Variants in DPYD observed in about 807,000 individuals in gnomAD.
DPYD encodes dihydropyrimidine dehydrogenase [NADP(+)].
DPYD carries 109 observed loss-of-function variants against 116.2 expected under a neutral mutation model. The observed-to-expected ratio is 0.94, with a 90% CI of 0.80 to 1.10. DPYD has a LOEUF of 1.10. Among genes scored for constraint, DPYD ranks in the 50% least tolerant of loss-of-function variants. The probability of loss-of-function intolerance (pLI) is 0.00; values close to 1 mark genes in which losing one functional copy is unlikely to be tolerated. For synonymous variants in DPYD, 440 were observed against 432.0 expected (o/e 1.02, Z -0.23); for missense variants, 1,302 against 1,254.5 (o/e 1.04, Z -0.57).
intron 2 of DPYD, among the ~76,000 whole-genome samples, chr1:97,870,288 CA>C (rs1422925874): frequency 1.3e-5 from 2 of 151,750 alleles, no homozygotes; most frequent in Non-Finnish European, 2.9e-5. Context: ...GGGTATAACA[CA>C]TTTTTTTTGT....
At chr1:97,470,939 G>A (rs866748312) in intron 13 of DPYD, among the ~76,000 whole-genome samples, 13 of 152,002 alleles carry the variant, frequency 8.6e-5, no homozygotes, top group African/African-American at 2.9e-4. Flanking sequence ...GTAGTGAGCT[G>A]AGATCGCATC....
At chr1:97,106,591 C>A (rs952625048) in intron 20 of DPYD, among the ~76,000 whole-genome samples, 5 of 152,116 alleles carry the variant, frequency 3.3e-5, no homozygotes, top group Admixed American at 1.3e-4. Context: ...TTATAGCACT[C>A]GCCCAGCCAT....
At chr1:97,912,195 A>AAATGAG in intron 1 of DPYD, among the ~76,000 whole-genome samples, 1 of 151,936 alleles carries the variant, frequency 6.6e-6, no homozygotes, top group Non-Finnish European at 1.5e-5. Flanking sequence ...TGAAGCATGC[A>AAATGAG]AACGAGAACG....
intron 13 of DPYD, among the ~76,000 whole-genome samples, chr1:97,486,404 C>G (rs1309675827): frequency 3.9e-5 from 6 of 152,024 alleles, no homozygotes; most frequent in Non-Finnish European, 8.8e-5. Flanking sequence ...GTTGGGGCCT[C>G]CAAAACTTTA....
chr1:97,777,057 A>T (rs984195294), intron 3 of DPYD, among the ~76,000 whole-genome samples: 7 of 152,192 alleles, frequency 4.6e-5, no homozygotes, highest in African/African-American at 1.7e-4. Context: ...GGAAGTGTGG[A>T]TATCATTTAC....
intron 2 of DPYD, among the ~76,000 whole-genome samples, chr1:97,839,276 A>C (rs1669924976): frequency 6.6e-6 from 1 of 152,238 alleles, no homozygotes; most frequent in Non-Finnish European, 1.5e-5. Flanking sequence ...CAAAAGTAAT[A>C]TATGCCCTTT....
chr1:97,830,218 T>C (rs1669467436), intron 2 of DPYD, among the ~76,000 whole-genome samples: 2 of 152,192 alleles, frequency 1.3e-5, no homozygotes, highest in Non-Finnish European at 2.9e-5. Context: ...TATGTGTGTA[T>C]CCTACTGCAA....
At chr1:97,418,414 C>T (rs549381608) in intron 14 of DPYD, among the ~76,000 whole-genome samples, 5 of 151,750 alleles carry the variant, frequency 3.3e-5, no homozygotes, top group Non-Finnish European at 5.9e-5. Flanking sequence ...GATTCTCCTG[C>T]GTCAGCCTCC....
chr1:97,627,759 C>A (rs900874997), intron 8 of DPYD, among the ~76,000 whole-genome samples: 3 of 151,822 alleles, frequency 2.0e-5, no homozygotes, highest in Non-Finnish European at 4.4e-5. Context: ...GCCTAGATGA[C>A]CTAGAGGAGT....
At chr1:97,531,168 T>C (rs1483932845) in intron 12 of DPYD, among the ~76,000 whole-genome samples, 1 of 152,208 alleles carries the variant, frequency 6.6e-6, no homozygotes, top group Non-Finnish European at 1.5e-5. Flanking sequence ...ACTTTTGGTG[T>C]CATATCCATG....
chr1:97,847,122 ATG>A (rs1272131995), intron 2 of DPYD, among the ~76,000 whole-genome samples: 1 of 152,196 alleles, frequency 6.6e-6, no homozygotes, highest in Non-Finnish European at 1.5e-5. Context: ...GAACTGGACT[ATG>A]TGAATTTAGA....
At chr1:97,550,165 A>G (rs1334301975) in intron 11 of DPYD, among the ~76,000 whole-genome samples, 1 of 152,196 alleles carries the variant, frequency 6.6e-6, no homozygotes, top group Non-Finnish European at 1.5e-5. Flanking sequence ...AAGTTACATC[A>G]TGAATTCAGG....
chr1:97,720,462 G>T (rs369238787), intron 5 of DPYD: 1 of 991,116 alleles, frequency 1.0e-6, no homozygotes, highest in East Asian at 1.1e-4. Context: ...TTTGAATTTG[G>T]TAAGAAAAGA....
At chr1:97,176,170 A>G (rs1165824644) in intron 20 of DPYD, among the ~76,000 whole-genome samples, 2 of 152,208 alleles carry the variant, frequency 1.3e-5, no homozygotes, top group African/African-American at 2.4e-5. Flanking sequence ...TCAAAGTGGT[A>G]GTTAATGCAT....
At position 97,573,863 on chromosome 1, in the gene DPYD, C is replaced by A; in HGVS notation, c.1236G>T (p.Glu412Asp). The stretch of plus-strand genomic sequence containing the variant: ...CATTCCATTTTCCAGTTTCATCTTG[C>A]TCTGTCCGAACAAACTGCATAGCAA... ...RIVAMQFVRT[E>D]QDETGKWNED... is the part of the protein sequence containing the mutation. Residue 412 changes from glutamate to aspartate, a missense_variant, in exon 11 of 23, where the codon GAG (glutamate) becomes GAT (aspartate). Physicochemically the swap from Glu to Asp is conservative, Grantham distance 45 (BLOSUM62 2). Transcript: ENST00000370192. 6.2e-7 allele frequency: 1 copy of A among 1,613,684 alleles called. No individual in the cohort carries two copies. The highest frequency in any genetic ancestry group is 8.5e-7 in the Non-Finnish European group (1 of 1,179,714).
At chr1:97,920,853 C>T in intron 1 of DPYD, 31 bp downstream of exon 1, 2 of 1,580,382 alleles carry the variant, frequency 1.3e-6, no homozygotes, top group Non-Finnish European at 1.7e-6. Context: ...ACCACCCCGC[C>T]ACCACCGACG....
At chr1:97,173,843 T>C (rs1467869360) in intron 20 of DPYD, among the ~76,000 whole-genome samples, 1 of 145,634 alleles carries the variant, frequency 6.9e-6, no homozygotes, top group Non-Finnish European at 1.5e-5. Flanking sequence ...TCCTAGATAA[T>C]AGGAAGTACA....
intron 14 of DPYD, among the ~76,000 whole-genome samples, chr1:97,387,092 C>T (rs1332440611): frequency 6.6e-6 from 1 of 152,044 alleles, no homozygotes; most frequent in Non-Finnish European, 1.5e-5. Flanking sequence ...CAATATTTCA[C>T]TTAATTTATG....
At chr1:97,848,281 T>C (rs1292461646) in intron 2 of DPYD, among the ~76,000 whole-genome samples, 2 of 152,186 alleles carry the variant, frequency 1.3e-5, no homozygotes, top group Non-Finnish European at 2.9e-5. Context: ...GTATTTTTAG[T>C]AGAGACGGGG....
Sources: allele counts gnomAD v4.1 joint callset (sites outside exome capture counted in the v4.1 genomes callset), GRCh38; gene constraint gnomAD v4.1.1; transcripts MANE v1.5; gene names NCBI Gene and HGNC (gene_info 2026-07-23, HGNC 2026-07-21).